Variants in ACOT7 observed in about 807,000 individuals in gnomAD.
ACOT7 encodes the protein cytosolic acyl coenzyme A thioester hydrolase.
In ACOT7, 12 loss-of-function variants were observed where a neutral mutation model predicts 40.2. The ratio of observed to expected loss-of-function variants is 0.30; its 90% CI spans 0.19 to 0.48. The LOEUF (loss-of-function observed/expected upper bound fraction) is 0.48, where lower values mean the gene tolerates loss of function less well. Among genes scored for constraint, ACOT7 ranks in the 20% least tolerant of loss-of-function variants. ACOT7 has a pLI of 0.99. For missense variants in ACOT7, 395 were observed against 530.8 expected, an observed-to-expected ratio of 0.74 and a Z score of 2.51; for synonymous variants, 228 against 219.5, an observed-to-expected ratio of 1.04 and a Z score of -0.34.
At chr1:6,368,489 G>A (rs912485957) in intron 1 of ACOT7, among the ~76,000 whole-genome samples, 5 of 152,312 alleles carry the variant, frequency 3.3e-5, no homozygotes, top group Admixed American at 6.5e-5. Context: ...CCCAGGCCCA[G>A]CTCCACCTTG....
chr1:6,358,783 A>G lies in ACOT7; in HGVS notation c.144-8917T>C, dbSNP rs1410233270. Reference sequence around the variant, plus strand: ...AAATGTCCCTAAACAATCCACCCACAGTGGCCCCTGCACGGCCTAGACATG... The same window carrying G: ...AAATGTCCCTAAACAATCCACCCACGGTGGCCCCTGCACGGCCTAGACATG... On this transcript the variant is annotated intron_variant, in intron 1 of 8. Transcript: ENST00000361521. This position sits in a 1 kb window ranked among gnomAD's most constrained non-coding sequence, Gnocchi z 4.1. 2 of 1,587,034 alleles carry G rather than the reference A, an allele frequency of 1.3e-6. No homozygotes were observed. The highest frequency in any genetic ancestry group is 2.7e-5 in the African/African-American group (2 of 74,316).
chr1:6,304,755 T>A (rs1204822555), intron 6 of ACOT7, among the ~76,000 whole-genome samples: 1 of 135,154 alleles, frequency 7.4e-6, no homozygotes, highest in Non-Finnish European at 1.6e-5. Flanking sequence ...AGAATTTTTC[T>A]TAGTACAGAA....
At chr1:6,387,777 AAAGGCCTCCC>A (rs1439895495) in intron 1 of ACOT7, among the ~76,000 whole-genome samples, 1 of 152,192 alleles carries the variant, frequency 6.6e-6, no homozygotes, top group Non-Finnish European at 1.5e-5. Flanking sequence ...GTGGGTAGAC[AAAGGCCTCCC>A]CACGCACAGG....
chr1:6,387,439 T>C (rs1046863136), intron 1 of ACOT7, among the ~76,000 whole-genome samples: 1 of 152,204 alleles, frequency 6.6e-6, no homozygotes, highest in East Asian at 1.9e-4. Context: ...AATCTTCATC[T>C]TGTTGACTCT....
rs1223491925 is a variant in ACOT7 at position 6,294,174 on chromosome 1, C to T, written c.829+690G>A. Among the ~76,000 whole-genome samples the T allele has an allele frequency of 6.6e-6, 1 of 152,240 alleles. No individual in the cohort carries two copies. The highest frequency in any genetic ancestry group is 2.4e-5 in the African/African-American group (1 of 41,460). On this transcript the variant is annotated intron_variant, in intron 7 of 8. Transcript: ENST00000361521. This position sits in a 1 kb window ranked among gnomAD's most constrained non-coding sequence, Gnocchi z 4.6. The stretch of plus-strand genomic sequence containing the variant: ...CAGTGCTGCTGCAGGGGGTGCACGG[C>T]CTCATCTCAGCAGACGTCACACTGA...
chr1:6,273,753 G>A (rs1639109644), intron 8 of ACOT7, among the ~76,000 whole-genome samples: 1 of 152,274 alleles, frequency 6.6e-6, no homozygotes, highest in Non-Finnish European at 1.5e-5. Flanking sequence ...GGGCGCAGCG[G>A]TGCCCATCCC....
At chr1:6,392,663 T>C (rs1471380805) in intron 1 of ACOT7, among the ~76,000 whole-genome samples, 1 of 152,146 alleles carries the variant, frequency 6.6e-6, no homozygotes, top group Non-Finnish European at 1.5e-5. Context: ...GACAGTATTA[T>C]CTGTTCTTCC....
At position 6,359,747 on chromosome 1, in the gene ACOT7, C is replaced by A. The variant is rs946634973; in HGVS notation, c.144-9881G>T. Among the ~76,000 whole-genome samples the A allele has an allele frequency of 3.9e-5, 6 of 152,362 alleles. No individual in the cohort carries two copies. The highest frequency in any genetic ancestry group is 1.9e-4 in the East Asian group (1 of 5,190). ...CCACAACCTCCCCCAATGCTGCCCC[C>A]ACCAGGGCTGCTTTCCCAGGAATCC... is the stretch of plus-strand genomic sequence containing the variant. On this transcript the variant is annotated intron_variant, in intron 1 of 8. Coordinates refer to ENST00000361521, the MANE Select transcript of ACOT7 (RefSeq NM_007274.4). This position sits in a 1 kb window ranked among gnomAD's most constrained non-coding sequence, Gnocchi z 4.1.
chr1:6,375,640 C>CA (rs1197995773), intron 1 of ACOT7, among the ~76,000 whole-genome samples: 2 of 151,256 alleles, frequency 1.3e-5, no homozygotes, highest in South Asian at 4.2e-4. Context: ...CCTGTCTCTA[C>CA]AAAAAAACTT....
intron 2 of ACOT7, among the ~76,000 whole-genome samples, chr1:6,341,412 C>T (rs1365792371): frequency 1.3e-5 from 2 of 150,276 alleles, no homozygotes; most frequent in African/African-American, 2.4e-5. Context: ...GGATTACAGG[C>T]GTGAGCCACC....
chr1:6,357,323 A>T (rs1641774081), intron 1 of ACOT7, among the ~76,000 whole-genome samples: 1 of 152,012 alleles, frequency 6.6e-6, no homozygotes, highest in Admixed American at 6.5e-5. Flanking sequence ...TGCTTCCTTT[A>T]CTCCATGGTG....
intron 1 of ACOT7, among the ~76,000 whole-genome samples, chr1:6,371,497 G>A (rs1463881415): frequency 1.3e-5 from 2 of 151,816 alleles, no homozygotes; most frequent in Admixed American, 6.6e-5. Flanking sequence ...TGAGTAGCTG[G>A]GACTACAGGC....
chr1:6,267,461 A>ATGCC (rs112611465), intron 8 of ACOT7, among the ~76,000 whole-genome samples: 3,783 of 152,020 alleles, frequency 0.025, 150 homozygotes, highest in African/African-American at 0.085. Flanking sequence ...AGGTCAGGAG[A>ATGCC]TGCCTGCCTG....
chr1:6,321,427 A>C (rs1640642147), intron 5 of ACOT7, among the ~76,000 whole-genome samples: 1 of 151,942 alleles, frequency 6.6e-6, no homozygotes, highest in South Asian at 2.1e-4. Context: ...TTACTTTTCC[A>C]TCCCACTCCA....
At chr1:6,368,386 C>T (rs971517398) in intron 1 of ACOT7, among the ~76,000 whole-genome samples, 7 of 152,156 alleles carry the variant, frequency 4.6e-5, no homozygotes, top group East Asian at 1.9e-4. Context: ...AAGTGAATGC[C>T]GCTCCCACTT....
intron 1 of ACOT7, among the ~76,000 whole-genome samples, chr1:6,380,610 A>T (rs1212551526): frequency 1.3e-5 from 2 of 150,238 alleles, no homozygotes; most frequent in Non-Finnish European, 3.0e-5. Flanking sequence ...AAACAAGAAG[A>T]CGACCTCTCA....
chr1:6,381,127 C>CAAAAAAA (rs1642325545), intron 1 of ACOT7, among the ~76,000 whole-genome samples: 1 of 151,670 alleles, frequency 6.6e-6, no homozygotes, highest in African/African-American at 2.4e-5. Context: ...ACAATAGAAG[C>CAAAAAAA]AAAAATGGAC....
Position 6,274,835 on chromosome 1 carries a change from A to T in ACOT7, c.1014+6267T>A, listed in dbSNP as rs917508048. ...GCGGTGTGGGTGGGCGGCGCAGTGCAGGTGGGCAGCGCGTTGGGACTCCCA... is the reference window on the plus strand; with the variant it reads ...GCGGTGTGGGTGGGCGGCGCAGTGCTGGTGGGCAGCGCGTTGGGACTCCCA... On this transcript the variant is annotated intron_variant, in intron 8 of 8. Coordinates refer to ENST00000361521, the MANE Select transcript of ACOT7 (RefSeq NM_007274.4). This position sits in a 1 kb window ranked among gnomAD's most constrained non-coding sequence, Gnocchi z 5.9. Among the ~76,000 whole-genome samples the T allele has an allele frequency of 1.1e-4, 16 of 152,146 alleles. No homozygotes were observed. Among genetic ancestry groups the T allele is most frequent in the Admixed American group, 5.9e-4 (9 of 15,270 alleles).
chr1:6,381,262 T>C (rs949170305), intron 1 of ACOT7, among the ~76,000 whole-genome samples: 1 of 151,796 alleles, frequency 6.6e-6, no homozygotes, highest in African/African-American at 2.4e-5. Flanking sequence ...GCACATAATA[T>C]ATACACCTAT....
Sources: gnomAD v4.1 joint callset for allele counts (sites outside exome capture counted in the v4.1 genomes callset) on GRCh38, gnomAD v4.1.1 for gene constraint, Gnocchi (gnomAD v3.1) non-coding constraint, MANE v1.5 for transcripts, NCBI Gene and HGNC (gene_info 2026-07-23, HGNC 2026-07-21) for gene names.